PIGU: variants seen among roughly 807,000 people sequenced by gnomAD.
PIGU encodes the protein GPI-anchor transamidase component PIGU.
PIGU carries 24 observed loss-of-function variants against 49.9 expected under a neutral mutation model. The observed-to-expected ratio is 0.48, with a 90% CI of 0.35 to 0.68. The LOEUF is 0.68. Ranked by LOEUF, PIGU falls within the 30% of genes least tolerant of loss-of-function variation. PIGU has a pLI of 0.01. For missense variants in PIGU, 490 were observed against 532.6 expected (o/e 0.92, Z 0.79); for synonymous variants, 220 against 205.7 (o/e 1.07, Z -0.59).
intron 1 of PIGU, among the ~76,000 whole-genome samples, chr20:34,674,287 G>A (rs376918632): frequency 3.1e-4 from 46 of 149,836 alleles, no homozygotes; most frequent in Middle Eastern, 3.5e-3. Flanking sequence ...CCTGGGAGGC[G>A]GAGGTTGCAG....
intron 1 of PIGU, among the ~76,000 whole-genome samples, chr20:34,667,826 GC>G: frequency 6.6e-6 from 1 of 152,078 alleles, no homozygotes; most frequent in Non-Finnish European, 1.5e-5. Context: ...CCAAAGAATA[GC>G]CCCTAAAATG....
At chr20:34,673,514 G>T (rs1987379816) in intron 1 of PIGU, among the ~76,000 whole-genome samples, 1 of 152,102 alleles carries the variant, frequency 6.6e-6, no homozygotes, top group South Asian at 2.1e-4. Context: ...CCTGACACTG[G>T]CCTCAAGCTC....
At chr20:34,647,384 C>T (rs1986386860) in intron 2 of PIGU, among the ~76,000 whole-genome samples, 1 of 152,016 alleles carries the variant, frequency 6.6e-6, no homozygotes, top group Admixed American at 6.6e-5. Context: ...GCCTCAGCCT[C>T]CCAAGTAGCT....
At chr20:34,568,255 T>C (rs975399879) in intron 11 of PIGU, among the ~76,000 whole-genome samples, 2 of 152,030 alleles carry the variant, frequency 1.3e-5, no homozygotes, top group Admixed American at 6.6e-5. Context: ...TTCCTGTCAC[T>C]CTGGTTGTTG....
rs140718167 is a variant in PIGU at position 34,567,458 on chromosome 20, C to T, written c.1195-6479G>A. ...TTTCACTTACATGGCACTTTTCCCA[C>T]ATTCAGTCCTCAAAACCACCTTCCC... On this transcript the variant is annotated intron_variant, in intron 11 of 11. Coordinates refer to ENST00000217446, the MANE Select transcript of PIGU (RefSeq NM_080476.5). Among the ~76,000 whole-genome samples the T allele has an allele frequency of 3.9e-5, 6 of 152,342 alleles. No homozygotes were observed. The East Asian group carries it at 1.2e-3, about 29-fold the overall frequency.
At chr20:34,628,603 C>A (rs1172110547) in intron 6 of PIGU, among the ~76,000 whole-genome samples, 1 of 152,164 alleles carries the variant, frequency 6.6e-6, no homozygotes, top group Non-Finnish European at 1.5e-5. Flanking sequence ...GTAACCCCAG[C>A]ACTTTGGGAG....
At chr20:34,589,096 C>A (rs1983831291) in intron 7 of PIGU, among the ~76,000 whole-genome samples, 1 of 135,476 alleles carries the variant, frequency 7.4e-6, no homozygotes, top group Admixed American at 7.7e-5. Context: ...CCAAATAATA[C>A]TATTATTTAC....
In PIGU at chr20:34,660,998, T is replaced by C. The variant is rs1042437970; in HGVS notation, c.131-3754A>G. Among the ~76,000 whole-genome samples, 6 of 152,272 alleles carry C rather than the reference T, an allele frequency of 3.9e-5. No homozygotes were observed. The South Asian group carries it at 6.2e-4, about 16-fold the overall frequency. On this transcript the variant is annotated intron_variant, in intron 1 of 11. Coordinates refer to ENST00000217446, the MANE Select transcript of PIGU (RefSeq NM_080476.5). ...TGAATGAAAGGTAAACAGGAACTCT[T>C]GTAACTTTTTTGAAAATCTAAAATT...
At chr20:34,649,143 A>G (rs767059417) in intron 2 of PIGU, among the ~76,000 whole-genome samples, 7 of 152,140 alleles carry the variant, frequency 4.6e-5, no homozygotes, top group Non-Finnish European at 7.3e-5. Context: ...CTGGGATTAC[A>G]GGTGTGAGCC....
At chr20:34,623,559 T>A (rs1985334662) in intron 6 of PIGU, among the ~76,000 whole-genome samples, 1 of 152,148 alleles carries the variant, frequency 6.6e-6, no homozygotes, top group South Asian at 2.1e-4. Flanking sequence ...ACGAAACTAG[T>A]GAATGAGAGC....
intron 6 of PIGU, among the ~76,000 whole-genome samples, chr20:34,631,722 C>A (rs769451623): frequency 3.0e-5 from 1 of 33,716 alleles, no homozygotes; most frequent in Non-Finnish European, 6.5e-5. Flanking sequence ...TCCGGCTAAC[C>A]ATATATATAT....
rs1985632477 is a variant in PIGU at position 34,629,791 on chromosome 20, G to C, written c.529+4824C>G. Reference sequence around the variant, plus strand: ...GAGGAACTTTTAGTTAAAAATAATAGATTGATCACATGTGTTTATCAACTC... The same window carrying C: ...GAGGAACTTTTAGTTAAAAATAATACATTGATCACATGTGTTTATCAACTC... On this transcript the variant is annotated intron_variant, in intron 6 of 11. Transcript: ENST00000217446. 3.3e-5 allele frequency among the ~76,000 whole-genome samples: 5 copies of C among 152,118 alleles called. 1 individual carries two copies. Among genetic ancestry groups the C allele is most frequent in the Admixed American group, 3.3e-4 (5 of 15,260 alleles).
At chr20:34,670,712 G>T (rs1987282298) in intron 1 of PIGU, among the ~76,000 whole-genome samples, 1 of 151,952 alleles carries the variant, frequency 6.6e-6, no homozygotes, top group Non-Finnish European at 1.5e-5. Flanking sequence ...CCTAATTTTT[G>T]TATTTCTTTT....
At chr20:34,664,795 G>A (rs924889643) in intron 1 of PIGU, among the ~76,000 whole-genome samples, 4 of 152,026 alleles carry the variant, frequency 2.6e-5, no homozygotes, top group Non-Finnish European at 5.9e-5. Context: ...TTCGAGACTG[G>A]CCTGGAAACA....
intron 1 of PIGU, among the ~76,000 whole-genome samples, chr20:34,674,955 A>G (rs1987448770): frequency 6.6e-6 from 1 of 151,024 alleles, no homozygotes; most frequent in South Asian, 2.1e-4. Context: ...AAGAAAAAAA[A>G]AAAAAAAAAG....
intron 9 of PIGU, 43 bp downstream of exon 9, chr20:34,585,394 G>A (rs994222416): frequency 1.4e-5 from 22 of 1,592,906 alleles, no homozygotes; most frequent in African/African-American, 2.7e-5. Flanking sequence ...GGGGCTTCTC[G>A]GACAGCTCTG....
intron 7 of PIGU, among the ~76,000 whole-genome samples, chr20:34,592,495 A>G (rs550361174): frequency 6.6e-5 from 10 of 151,862 alleles, no homozygotes; most frequent in Non-Finnish European, 1.3e-4. Context: ...AAAAGAGAGC[A>G]TAACTATAGA....
intron 7 of PIGU, among the ~76,000 whole-genome samples, chr20:34,606,747 T>C (rs776715412): frequency 3.3e-5 from 5 of 152,130 alleles, no homozygotes; most frequent in African/African-American, 4.8e-5. Flanking sequence ...TTTGTAAAGA[T>C]TTTTGTTTGT....
intron 5 of PIGU, among the ~76,000 whole-genome samples, chr20:34,636,028 T>TA (rs71299222): frequency 0.4 from 58,244 of 147,178 alleles, 11,619 homozygotes; most frequent in Admixed American, 0.56. Context: ...CTGTCTCTAC[T>TA]AAAAAAAAAA....
Sources: allele counts gnomAD v4.1 joint callset (sites outside exome capture counted in the v4.1 genomes callset), GRCh38; gene constraint gnomAD v4.1.1; transcripts MANE v1.5; gene names NCBI Gene and HGNC (gene_info 2026-07-23, HGNC 2026-07-21).